Variants in CTNND2 observed in about 807,000 individuals in gnomAD.
CTNND2 encodes catenin delta-2.
A neutral mutation model predicts 144.4 loss-of-function variants in CTNND2; 22 were observed. The observed-to-expected ratio is 0.15, with a 90% CI of 0.11 to 0.22. The LOEUF is 0.22. Ranked by LOEUF, CTNND2 falls within the 10% of genes least tolerant of loss-of-function variation. The pLI is 1.00. For missense variants in CTNND2, 1,353 were observed against 1,618.8 expected (o/e 0.84, Z 2.82); for synonymous variants, 751 against 695.6 (o/e 1.08, Z -1.25).
At chr5:11,183,867 T>G (rs546433684) in intron 11 of CTNND2, among the ~76,000 whole-genome samples, 1 of 152,236 alleles carries the variant, frequency 6.6e-6, no homozygotes, top group East Asian at 1.9e-4. Flanking sequence ...CCTAGTTTTG[T>G]GTACTCTCTC....
intron 2 of CTNND2, among the ~76,000 whole-genome samples, chr5:11,685,828 C>T (rs1784623544): frequency 6.6e-6 from 1 of 152,134 alleles, no homozygotes; most frequent in Admixed American, 6.6e-5. Context: ...GAAATGAAGA[C>T]CAGAAGTTGT....
rs189453875 is a variant in CTNND2 at position 11,199,832 on chromosome 5, G to A, written c.1762-171C>T. Reference sequence around the variant, plus strand: ...AGTGTTTGCTTTATATTTGATTGCCGGTATTTGCTTTAATATCCTACCAAT... The same window carrying A: ...AGTGTTTGCTTTATATTTGATTGCCAGTATTTGCTTTAATATCCTACCAAT... On this transcript the variant is annotated intron_variant, in intron 10 of 21. Transcript: ENST00000304623. Among the ~76,000 whole-genome samples the A allele has an allele frequency of 3.3e-5, 5 of 152,266 alleles. No homozygotes were observed. In the East Asian group the frequency reaches 9.6e-4, roughly 29 times the overall value.
intron 1 of CTNND2, among the ~76,000 whole-genome samples, chr5:11,774,059 C>A (rs890574577): frequency 6.6e-5 from 10 of 151,906 alleles, no homozygotes; most frequent in South Asian, 4.2e-4. Context: ...AACTAGGTAC[C>A]AAATAACATT....
chr5:11,554,180 C>T (rs1028401552), intron 3 of CTNND2, among the ~76,000 whole-genome samples: 2 of 152,048 alleles, frequency 1.3e-5, no homozygotes, highest in African/African-American at 2.4e-5. Context: ...GGTAATTATA[C>T]TAATGATAAC....
intron 3 of CTNND2, among the ~76,000 whole-genome samples, chr5:11,492,505 A>ATG (rs33995105): frequency 0.05 from 6,975 of 140,354 alleles, 161 homozygotes; most frequent in African/African-American, 0.068. Flanking sequence ...ATATATATAT[A>ATG]TGTGTGTGTG....
chr5:11,900,535 CAT>C (rs1271542172), intron 1 of CTNND2, among the ~76,000 whole-genome samples: 1 of 152,158 alleles, frequency 6.6e-6, no homozygotes, highest in Non-Finnish European at 1.5e-5. Context: ...TTATTGATGA[CAT>C]GTTTAATATT....
At chr5:11,463,206 T>C (rs1429228182) in intron 3 of CTNND2, among the ~76,000 whole-genome samples, 3 of 152,236 alleles carry the variant, frequency 2.0e-5, no homozygotes, top group Non-Finnish European at 4.4e-5. Flanking sequence ...ATTCCTCATA[T>C]TCATTATGTA....
intron 2 of CTNND2, among the ~76,000 whole-genome samples, chr5:11,646,862 C>A (rs1782384475): frequency 6.6e-6 from 1 of 152,202 alleles, no homozygotes; most frequent in African/African-American, 2.4e-5. Flanking sequence ...TGGAAAGGTG[C>A]ACCCTGGTCT....
intron 5 of CTNND2, among the ~76,000 whole-genome samples, chr5:11,397,728 G>A (rs775620059): frequency 6.6e-6 from 1 of 152,102 alleles, no homozygotes; most frequent in African/African-American, 2.4e-5. Flanking sequence ...CTCTTTGTAC[G>A]ATGTGGAATT....
chr5:11,695,822 T>A (rs1330438504), intron 2 of CTNND2, among the ~76,000 whole-genome samples: 1 of 152,194 alleles, frequency 6.6e-6, no homozygotes, highest in Non-Finnish European at 1.5e-5. Flanking sequence ...TAATATTACA[T>A]ACACATATAT....
chr5:11,216,564 G>C (rs184961), intron 10 of CTNND2, among the ~76,000 whole-genome samples: 118,534 of 152,132 alleles, frequency 0.78, 46,319 homozygotes, highest in East Asian at 0.89. Context: ...CACCCTAGAG[G>C]CTCCAGAAAG....
At chr5:11,749,239 T>C (rs919926742) in intron 1 of CTNND2, among the ~76,000 whole-genome samples, 2 of 152,058 alleles carry the variant, frequency 1.3e-5, no homozygotes, top group African/African-American at 4.8e-5. Flanking sequence ...GGCTCCTAGA[T>C]TCTTGACTCA....
chr5:11,008,627 G>C (rs1740735315), intron 18 of CTNND2, among the ~76,000 whole-genome samples: 1 of 152,204 alleles, frequency 6.6e-6, no homozygotes, highest in Non-Finnish European at 1.5e-5. Context: ...AAGAATAATA[G>C]ATGCCCCCTT....
In CTNND2 at chr5:11,082,708, T is replaced by C. The variant is rs1314150479; in HGVS notation, c.2776A>G (p.Lys926Glu). Reference sequence around the variant, plus strand: ...AGGGAGAACATACCGATGAGCTCCTTATTTCTGACGTCCAAGGCCATGTTC... The same window carrying C: ...AGGGAGAACATACCGATGAGCTCCTCATTTCTGACGTCCAAGGCCATGTTC... ...LRNMALDVRN[K>E]ELIGKYAMRD... Residue 926 changes from lysine (K) to glutamate (E), a missense_variant, in exon 16 of 22, where the codon AAG (lysine) becomes GAG (glutamate). Physicochemically the swap from Lys to Glu is moderately conservative, Grantham distance 56 (BLOSUM62 1). Coordinates refer to ENST00000304623, the MANE Select transcript of CTNND2 (RefSeq NM_001332.4). 1.2e-6 allele frequency: 2 copies of C among 1,613,960 alleles called. No individual in the cohort carries two copies. The highest frequency in any genetic ancestry group is 1.7e-6 in the Non-Finnish European group (2 of 1,180,006).
At position 10,978,495 on chromosome 5, in the gene CTNND2, T is replaced by TGG. The variant is rs927950649; in HGVS notation, c.3417+3276_3417+3277dup. 5.2e-5 allele frequency among the ~76,000 whole-genome samples: 7 copies of TGG among 133,988 alleles called. No individual in the cohort carries two copies. The East Asian group carries it at 1.1e-3, about 20-fold the overall frequency. The allele number at this position is 133,988 out of a possible 152,430, so 87.9% of individuals were successfully genotyped here. ...TTATGATCTCCTTGGAAATACTTTTTGGGGAGGGGGGGGAACCCTCTCTTT... is the reference window on the plus strand; with the variant it reads ...TTATGATCTCCTTGGAAATACTTTTTGGGGGGAGGGGGGGGAACCCTCTCTTT... On this transcript the variant is annotated intron_variant, in intron 21 of 21. Coordinates refer to ENST00000304623, the MANE Select transcript of CTNND2 (RefSeq NM_001332.4).
At chr5:11,367,190 A>T (rs1005262141) in intron 7 of CTNND2, among the ~76,000 whole-genome samples, 2 of 152,242 alleles carry the variant, frequency 1.3e-5, no homozygotes, top group Non-Finnish European at 2.9e-5. Context: ...AAGGCATTTT[A>T]AAAAGAACAT....
intron 3 of CTNND2, among the ~76,000 whole-genome samples, chr5:11,519,676 A>G (rs1156362637): frequency 6.6e-6 from 1 of 152,048 alleles, no homozygotes. Context: ...TCCTCATACC[A>G]GTGTATAAAC....
intron 2 of CTNND2, among the ~76,000 whole-genome samples, chr5:11,629,494 A>C (rs888554715): frequency 5.3e-5 from 8 of 152,174 alleles, no homozygotes; most frequent in African/African-American, 1.4e-4. Flanking sequence ...CCCCCGAAAC[A>C]TAAGAGTTTG....
intron 3 of CTNND2, among the ~76,000 whole-genome samples, chr5:11,480,646 ATGTGTGTGTGTGTG>A (rs58951106): frequency 6.7e-6 from 1 of 149,056 alleles, no homozygotes; most frequent in Non-Finnish European, 1.5e-5. Context: ...AAATACATAT[ATGTGTGTGTGTGTG>A]TGTGTGTGTG....
Sources: allele counts gnomAD v4.1 joint callset (sites outside exome capture counted in the v4.1 genomes callset), GRCh38; gene constraint gnomAD v4.1.1; transcripts MANE v1.5; gene names NCBI Gene and HGNC (gene_info 2026-07-23, HGNC 2026-07-21).